Variants in KAZN observed in about 807,000 individuals in gnomAD.
The protein encoded by KAZN is kazrin, periplakin interacting protein, also known as kazrin.
In KAZN, 40 loss-of-function variants were observed where a neutral mutation model predicts 87.4. The ratio of observed to expected loss-of-function variants is 0.46; its 90% CI spans 0.36 to 0.60. The LOEUF is 0.60. KAZN is among the 20% of genes least tolerant of loss of function. The pLI is 0.00. For missense variants in KAZN, 898 were observed against 1,073.9 expected (o/e 0.84, Z 2.29); for synonymous variants, 466 against 458.3 (o/e 1.02, Z -0.22).
chr1:14,124,112 C>T (rs906301448), intron 1 of KAZN: 2 of 152,230 alleles, frequency 1.3e-5, no homozygotes, highest in South Asian at 2.1e-4. Flanking sequence ...AATCACCTTA[C>T]GTGAATATTT....
intron 1 of KAZN, among the ~76,000 whole-genome samples, chr1:14,873,362 G>C (rs1055888514): frequency 2.6e-5 from 4 of 152,242 alleles, no homozygotes; most frequent in African/African-American, 9.6e-5. Context: ...GTAGCAGTAA[G>C]CACTATGAAG....
intron 1 of KAZN, among the ~76,000 whole-genome samples, chr1:14,633,991 G>T (rs1253355694): frequency 1.3e-5 from 2 of 152,164 alleles, no homozygotes; most frequent in South Asian, 4.1e-4. Context: ...GTGCCCTGGT[G>T]CCTACCTGTG....
chr1:15,036,778 G>A (rs12405690), intron 3 of KAZN, among the ~76,000 whole-genome samples: 1 of 152,116 alleles, frequency 6.6e-6, no homozygotes, highest in South Asian at 2.1e-4. Context: ...ACAGGGGCGT[G>A]CTGTGGGAGT....
chr1:14,134,300 T>C (rs1164415736), intron 1 of KAZN, among the ~76,000 whole-genome samples: 3 of 152,202 alleles, frequency 2.0e-5, no homozygotes, highest in Non-Finnish European at 2.9e-5. Context: ...GTCAGATCAG[T>C]AGCTCCAAGA....
At position 15,058,674 on chromosome 1, in the gene KAZN, C is replaced by T. The variant is rs372787952; in HGVS notation, c.917-1498C>T. ...AGGATAAGACACCCAGGGTACCTGC[C>T]CTCACAGAGCAGATGTTGTCAGTGT... On this transcript the variant is annotated intron_variant, in intron 5 of 14. Transcript: ENST00000376030. 7.2e-5 allele frequency among the ~76,000 whole-genome samples: 11 copies of T among 152,264 alleles called. No homozygotes were observed. In the South Asian group the frequency reaches 1.7e-3, roughly 23 times the overall value.
At chr1:14,858,214 C>CTTTTTT (rs71000342) in intron 1 of KAZN, among the ~76,000 whole-genome samples, 1 of 117,030 alleles carries the variant, frequency 8.5e-6, no homozygotes, top group African/African-American at 3.4e-5. Context: ...TTTTTCTTTT[C>CTTTTTT]TTTTTTTTTT....
At chr1:14,747,201 G>T (rs948121773) in intron 1 of KAZN, among the ~76,000 whole-genome samples, 2 of 152,076 alleles carry the variant, frequency 1.3e-5, no homozygotes, top group African/African-American at 4.8e-5. Flanking sequence ...ATTCCATTGT[G>T]GTGTGTATGT....
At chr1:14,092,192 G>A (rs1644013187) in intron 1 of KAZN, among the ~76,000 whole-genome samples, 1 of 148,820 alleles carries the variant, frequency 6.7e-6, no homozygotes, top group African/African-American at 2.5e-5. Context: ...CCGGGTTCAT[G>A]AAATTCTCCT....
intron 2 of KAZN, among the ~76,000 whole-genome samples, chr1:14,301,287 AGAG>A: frequency 6.6e-6 from 1 of 152,212 alleles, no homozygotes; most frequent in Non-Finnish European, 1.5e-5. Flanking sequence ...CAGACACGGT[AGAG>A]GAGAGTTTGA....
intron 1 of KAZN, among the ~76,000 whole-genome samples, chr1:14,062,694 G>T (rs2101523683): frequency 6.6e-6 from 1 of 152,218 alleles, no homozygotes; most frequent in East Asian, 1.9e-4. Flanking sequence ...AGTCTAGTGT[G>T]AAGGAGAATC....
intron 2 of KAZN, among the ~76,000 whole-genome samples, chr1:14,462,405 T>G (rs1667904363): frequency 6.6e-6 from 1 of 152,086 alleles, no homozygotes; most frequent in African/African-American, 2.4e-5. Context: ...CTTGTATATT[T>G]CAAAAGTAAT....
chr1:14,054,386 G>A (rs1264985262), intron 1 of KAZN, among the ~76,000 whole-genome samples: 1 of 152,166 alleles, frequency 6.6e-6, no homozygotes, highest in East Asian at 1.9e-4. Context: ...AGCTCCACAA[G>A]AACCTCCCTA....
In KAZN at chr1:14,206,275, T is replaced by A. The variant is rs1218550901; in HGVS notation, c.249+25683T>A. 3.3e-5 allele frequency among the ~76,000 whole-genome samples: 5 copies of A among 152,214 alleles called. No individual in the cohort carries two copies. The East Asian group carries it at 7.7e-4, about 23-fold the overall frequency. On this transcript the variant is annotated intron_variant, in intron 2 of 16. Coordinates refer to the KAZN transcript ENST00000636203. ...TTTGTTTTTTTCTTTTCTGATTTTT[T>A]AAAAAAGAAATATAGATGCATGCAG...
rs565180517 is a variant in KAZN at position 14,729,648 on chromosome 1, G to A, written c.226+130425G>A. 2.2e-4 allele frequency among the ~76,000 whole-genome samples: 34 copies of A among 152,250 alleles called. No homozygotes were observed. The South Asian group carries it at 6.4e-3, about 29-fold the overall frequency. On this transcript the variant is annotated intron_variant, in intron 1 of 14. Transcript: ENST00000376030. Reference sequence around the variant, plus strand: ...CACTTTTAGAATCAGGCCAAGCTGAGGGTTCTCTGTCCTCAGGTATTTTCC... The same window carrying A: ...CACTTTTAGAATCAGGCCAAGCTGAAGGTTCTCTGTCCTCAGGTATTTTCC...
chr1:15,009,676 C>G (rs909496051), intron 2 of KAZN, among the ~76,000 whole-genome samples: 1 of 152,226 alleles, frequency 6.6e-6, no homozygotes, highest in African/African-American at 2.4e-5. Flanking sequence ...CCATTTGGAC[C>G]ACTGGGCAGA....
intron 2 of KAZN, among the ~76,000 whole-genome samples, chr1:14,208,686 A>C (rs958223296): frequency 1.3e-5 from 2 of 152,244 alleles, no homozygotes; most frequent in African/African-American, 4.8e-5. Flanking sequence ...CATCCTGAGA[A>C]TAATGCTGCA....
rs1198615057 is a variant in KAZN, at chr1:15,081,101, C to T, written c.1223-13079C>T. 1.3e-5 allele frequency among the ~76,000 whole-genome samples: 2 copies of T among 152,224 alleles called. No individual in the cohort carries two copies. Among genetic ancestry groups the T allele is most frequent in the Admixed American group, 1.3e-4 (2 of 15,290 alleles). ...AGAGGCGTGGACGAGGCGGGGTTGG[C>T]AGAAGATGAGACCACAGAGGAAGGC... On this transcript the variant is annotated intron_variant, in intron 8 of 14. Transcript: ENST00000376030. The surrounding 1 kb of genome is among the most constrained non-coding windows in gnomAD (Gnocchi z 4.1).
At chr1:14,946,923 T>C (rs952056010) in intron 1 of KAZN, among the ~76,000 whole-genome samples, 4 of 152,222 alleles carry the variant, frequency 2.6e-5, no homozygotes, top group African/African-American at 9.6e-5. Flanking sequence ...AAATGCCTGT[T>C]CTTTCCCCTA....
intron 2 of KAZN, among the ~76,000 whole-genome samples, chr1:14,517,983 T>A (rs1671384649): frequency 6.6e-6 from 1 of 152,104 alleles, no homozygotes; most frequent in Non-Finnish European, 1.5e-5. Flanking sequence ...CTACTGTCTG[T>A]TTCAGAATGA....
Sources: gnomAD v4.1 joint callset for allele counts (sites outside exome capture counted in the v4.1 genomes callset) on GRCh38, gnomAD v4.1.1 for gene constraint, Gnocchi (gnomAD v3.1) non-coding constraint, MANE v1.5 for transcripts, NCBI Gene and HGNC (gene_info 2026-07-23, HGNC 2026-07-21) for gene names.